TRIM61: variants seen among roughly 807,000 people sequenced by gnomAD.
The protein encoded by TRIM61 is putative tripartite motif-containing protein 61.
A neutral mutation model predicts 14.2 loss-of-function variants in TRIM61; 1 was observed. The observed-to-expected ratio is 0.07, with a 90% confidence interval of 0.03 to 0.33. The LOEUF (loss-of-function observed/expected upper bound fraction) is 0.33. TRIM61 is among the 10% of genes least tolerant of loss of function. TRIM61 has a pLI of 0.99. For missense variants in TRIM61, 19 were observed against 202.2 expected (o/e 0.09, Z 5.49); for synonymous variants, 8 against 71.6 (o/e 0.11, Z 4.49).
intron 3 of TRIM61, chr4:164,957,113 G>T (rs1370996432): frequency 3.1e-6 from 5 of 1,587,802 alleles, no homozygotes; most frequent in African/African-American, 1.3e-5. Flanking sequence ...GGCTGGGCGA[G>T]CCAAACTGCG....
intron 3 of TRIM61, among the ~76,000 whole-genome samples, chr4:164,959,575 C>A (rs994963645): frequency 2.6e-5 from 4 of 152,126 alleles, no homozygotes; most frequent in African/African-American, 9.7e-5. Flanking sequence ...GCCACACATG[C>A]CTGAGACCAA....
At chr4:164,968,994 G>A in intron 3 of TRIM61, 2 of 1,034,870 alleles carry the variant, frequency 1.9e-6, no homozygotes, top group Non-Finnish European at 2.3e-6. Flanking sequence ...AGAACAGCTG[G>A]GAGGAGATAA....
At chr4:164,964,390 G>T (rs1732196827) in intron 3 of TRIM61, among the ~76,000 whole-genome samples, 1 of 150,896 alleles carries the variant, frequency 6.6e-6, no homozygotes, top group African/African-American at 2.4e-5. Context: ...AAAAGGAGAT[G>T]GAGAGCTTTT....
chr4:164,973,210 G>A (rs528866663), intron 2 of TRIM61, among the ~76,000 whole-genome samples: 99 of 152,214 alleles, frequency 6.5e-4, no homozygotes, highest in South Asian at 5.6e-3. Flanking sequence ...GAACAACTCC[G>A]TAAGTTAGGA....
chr4:164,977,572 G>A lies in TRIM61; in HGVS notation c.-517C>T, dbSNP rs1053104792. On this transcript the variant is annotated 5_prime_UTR_variant, in exon 1 of 5. Transcript: ENST00000329314. Reference sequence around the variant, plus strand: ...AGCAAATCCGGCCAAAGAATACTCAGGACCCACCGAGCCCCCGCGAGGAAG... The same window carrying A: ...AGCAAATCCGGCCAAAGAATACTCAAGACCCACCGAGCCCCCGCGAGGAAG... 6.6e-6 allele frequency: 1 copy of A among 152,206 alleles called. No individual in the cohort carries two copies. The highest frequency in any genetic ancestry group is 1.5e-5 in the Non-Finnish European group (1 of 68,094). 9.4% of individuals were successfully genotyped at this position (152,206 alleles called of 1,614,324 possible). A position where few individuals can be genotyped will look rare whatever the true frequency, so the allele number is the denominator to read the frequency against.
chr4:164,969,077 A>G (rs973874843), intron 3 of TRIM61: 16 of 1,080,244 alleles, frequency 1.5e-5, no homozygotes, highest in East Asian at 1.7e-4. Flanking sequence ...TTCTGAGACT[A>G]TAAGTTTACG....
At chr4:164,957,298 A>C in intron 3 of TRIM61, 2 of 1,614,178 alleles carry the variant, frequency 1.2e-6, no homozygotes, top group Non-Finnish European at 1.7e-6. Context: ...TCAGCCGCTC[A>C]TGGTGCCCAG....
intron 3 of TRIM61, chr4:164,955,218 T>G (rs1731956570): frequency 6.5e-6 from 1 of 154,198 alleles, no homozygotes; most frequent in African/African-American, 2.4e-5. Context: ...TTTTGTATGT[T>G]GTATGACAAT....
chr4:164,956,863 G>A (rs1209865659), intron 3 of TRIM61: 5 of 709,802 alleles, frequency 7.0e-6, no homozygotes, highest in East Asian at 2.8e-5. Flanking sequence ...AAGCACTGCA[G>A]CGTTTCTCCC....
At chr4:164,956,947 G>C in intron 3 of TRIM61, 1 of 1,376,616 alleles carries the variant, frequency 7.3e-7, no homozygotes, top group Non-Finnish European at 9.6e-7. Context: ...ACCGTCTCTG[G>C]GCTTCGACTT....
intron 3 of TRIM61, chr4:164,968,691 G>A: frequency 2.0e-6 from 2 of 984,632 alleles, no homozygotes; most frequent in Non-Finnish European, 2.4e-6. Flanking sequence ...AAAGTATAGA[G>A]AAGAGATCTA....
In TRIM61 at chr4:164,955,568, CAAAAAAAAAA is replaced by C. The variant is rs10716862; in HGVS notation, c.526-482_526-473del. Among the ~76,000 whole-genome samples, 4 of 77,226 alleles carry C rather than the reference CAAAAAAAAAA, an allele frequency of 5.2e-5. No homozygotes were observed. In the South Asian group the frequency reaches 1.4e-3, roughly 28 times the overall value. The allele number at this position is 77,226 out of a possible 152,430, so 50.7% of individuals were successfully genotyped here. The stretch of plus-strand genomic sequence containing the variant: ...TGGGTGACTAAGAGAGATTCAGTCT[CAAAAAAAAAA>C]AAAAAAAAAAAACAAGTTTTCCAGA... On this transcript the variant is annotated intron_variant, in intron 3 of 4. Coordinates refer to ENST00000329314, the MANE Select transcript of TRIM61 (RefSeq NM_001012414.3).
chr4:164,957,170 A>C, intron 3 of TRIM61: 1 of 1,611,778 alleles, frequency 6.2e-7, no homozygotes. Context: ...TTATACGCTG[A>C]CCGGCGGCCG....
intron 3 of TRIM61, among the ~76,000 whole-genome samples, chr4:164,961,370 C>CT (rs1347735902): frequency 5.9e-5 from 9 of 151,520 alleles, no homozygotes; most frequent in Admixed American, 5.9e-4. Flanking sequence ...CATTAGTACC[C>CT]TTAACACACT....
intron 3 of TRIM61, chr4:164,957,302 T>G (rs1732028264): frequency 6.2e-7 from 1 of 1,614,016 alleles, no homozygotes; most frequent in Non-Finnish European, 8.5e-7. Flanking sequence ...CCGCTCATGG[T>G]GCCCAGAGAG....
chr4:164,973,467 T>C (rs1732414567), intron 2 of TRIM61, among the ~76,000 whole-genome samples: 1 of 152,130 alleles, frequency 6.6e-6, no homozygotes, highest in Non-Finnish European at 1.5e-5. Context: ...CCAAATATTT[T>C]AAAAGGGAAA....
rs201546190 is a variant in TRIM61, at chr4:164,969,797, G to A, written c.206C>T (p.Pro69Leu). 2.4e-4 allele frequency: 388 copies of A among 1,613,822 alleles called. 5 individuals are homozygous for A. The East Asian group carries it at 8.5e-3, about 35-fold the overall frequency. ...AATTTCAGTCAAACTACCCAGCTGG[G>A]GATTGCTTATAAATTTCCTTTCTGG... Residue 69 changes from proline to leucine, a missense_variant, in exon 3 of 5, where the codon CCC (proline) becomes CTC (leucine). Coordinates refer to ENST00000329314, the MANE Select transcript of TRIM61 (RefSeq NM_001012414.3).
chr4:164,971,647 CA>C (rs1257765509), intron 2 of TRIM61, among the ~76,000 whole-genome samples: 3 of 149,804 alleles, frequency 2.0e-5, no homozygotes, highest in African/African-American at 7.4e-5. Flanking sequence ...AAGTTAACAA[CA>C]GGGGTGAATC....
intron 3 of TRIM61, among the ~76,000 whole-genome samples, chr4:164,962,125 C>T (rs1019359888): frequency 7.9e-5 from 12 of 151,708 alleles, no homozygotes; most frequent in Non-Finnish European, 1.6e-4. Flanking sequence ...TTTTGCAGTG[C>T]ATGAAGGAGG....
Sources: gnomAD v4.1 joint callset for allele counts (sites outside exome capture counted in the v4.1 genomes callset) on GRCh38, gnomAD v4.1.1 for gene constraint, MANE v1.5 for transcripts, NCBI Gene and HGNC (gene_info 2026-07-23, HGNC 2026-07-21) for gene names.